SBF2: variants seen among roughly 807,000 people sequenced by gnomAD.
The protein encoded by SBF2 is SET binding factor 2.
Under a neutral mutation model 225.2 loss-of-function variants are expected in SBF2, and 112 were observed. That is an observed-to-expected ratio of 0.50 (90% CI 0.43 to 0.58). SBF2 has a LOEUF of 0.58. Among genes scored for constraint, SBF2 ranks in the 20% least tolerant of loss-of-function variants. The pLI is 0.00. For missense variants in SBF2, 1,996 were observed against 2,206.2 expected (o/e 0.90, Z 1.91); for synonymous variants, 763 against 773.3 (o/e 0.99, Z 0.22).
chr11:10,117,440 C>CAAAAAA (rs57722094), intron 2 of SBF2, among the ~76,000 whole-genome samples: 9 of 40,886 alleles, frequency 2.2e-4, no homozygotes, highest in African/African-American at 3.2e-4. Flanking sequence ...GAATCCAACT[C>CAAAAAA]AAAAAAAAAA....
chr11:10,247,268 G>A (rs954477777), intron 1 of SBF2, among the ~76,000 whole-genome samples: 1 of 152,102 alleles, frequency 6.6e-6, no homozygotes, highest in African/African-American at 2.4e-5. Flanking sequence ...ATTAGCAAAC[G>A]AAATCAAGCA....
intron 1 of SBF2, among the ~76,000 whole-genome samples, chr11:10,302,154 A>C (rs1228906469): frequency 6.6e-6 from 1 of 152,170 alleles, no homozygotes; most frequent in East Asian, 1.9e-4. Flanking sequence ...CCACTGCAGC[A>C]TTTCCTTCTC....
At chr11:10,006,353 G>A (rs1219778866) in intron 6 of SBF2, among the ~76,000 whole-genome samples, 1 of 152,148 alleles carries the variant, frequency 6.6e-6, no homozygotes, top group Non-Finnish European at 1.5e-5. Context: ...CTGTCTGTTG[G>A]TACATTGCCA....
At chr11:10,211,654 C>T (rs1040359151) in intron 1 of SBF2, among the ~76,000 whole-genome samples, 3 of 152,138 alleles carry the variant, frequency 2.0e-5, no homozygotes, top group Non-Finnish European at 2.9e-5. Context: ...ACCAGGATAA[C>T]GTACTGTGGG....
intron 16 of SBF2, among the ~76,000 whole-genome samples, chr11:9,936,020 A>G (rs1864871329): frequency 6.6e-6 from 1 of 152,218 alleles, no homozygotes; most frequent in African/African-American, 2.4e-5. Flanking sequence ...TGAATAGGCA[A>G]TCTACAGAAT....
chr11:10,056,343 T>A (rs1390312397), intron 2 of SBF2, among the ~76,000 whole-genome samples: 1 of 152,252 alleles, frequency 6.6e-6, no homozygotes, highest in East Asian at 1.9e-4. Context: ...GTGTAGCCAT[T>A]TTAATGATAC....
At chr11:10,062,285 G>T (rs990223969) in intron 2 of SBF2, among the ~76,000 whole-genome samples, 7 of 152,156 alleles carry the variant, frequency 4.6e-5, no homozygotes, top group Admixed American at 3.3e-4. Flanking sequence ...AATAGGCAAA[G>T]ATTTCATGAC....
chr11:9,858,585 C>T (rs1392234043), intron 17 of SBF2, among the ~76,000 whole-genome samples, 189 bp from the exon 18 acceptor site: 1 of 152,086 alleles, frequency 6.6e-6, no homozygotes, highest in Non-Finnish European at 1.5e-5. Context: ...GCTGTTGGAT[C>T]CTTGAGAGTC....
chr11:10,094,891 T>C (rs1240536128), intron 2 of SBF2, among the ~76,000 whole-genome samples: 1 of 151,342 alleles, frequency 6.6e-6, no homozygotes, highest in Non-Finnish European at 1.5e-5. Flanking sequence ...CAAGCCTTCT[T>C]AGACTCATGA....
In SBF2 at chr11:10,082,453, T is replaced by G. The variant is rs147713750; in HGVS notation, c.142-39472A>C. ...GACAAAAAAGAAAACTACATATCAA[T>G]ATCCCTCTTGAACACAGACACAAAA... On this transcript the variant is annotated intron_variant, in intron 2 of 39. Transcript: ENST00000256190. Among the ~76,000 whole-genome samples, 4 of 152,196 alleles carry G rather than the reference T, an allele frequency of 2.6e-5. No individual in the cohort carries two copies. In the South Asian group the frequency reaches 8.3e-4, roughly 32 times the overall value.
chr11:10,144,635 G>A (rs566712834), intron 2 of SBF2, among the ~76,000 whole-genome samples: 62 of 152,332 alleles, frequency 4.1e-4, no homozygotes, highest in Non-Finnish European at 7.8e-4. Flanking sequence ...GTGAACATAT[G>A]TAAGTATAAA....
chr11:9,938,193 T>A (rs796760838), intron 16 of SBF2, among the ~76,000 whole-genome samples: 15 of 151,210 alleles, frequency 9.9e-5, no homozygotes, highest in African/African-American at 3.4e-4. Context: ...CAAGAGGCTG[T>A]GGCAGGAGAA....
chr11:10,035,576 C>G (rs972268876), intron 3 of SBF2, among the ~76,000 whole-genome samples: 1 of 152,040 alleles, frequency 6.6e-6, no homozygotes, highest in African/African-American at 2.4e-5. Context: ...AAGAAAAAAA[C>G]AAACAACCCC....
At chr11:9,825,251 G>A (rs945415688) in intron 28 of SBF2, among the ~76,000 whole-genome samples, 2 of 152,066 alleles carry the variant, frequency 1.3e-5, no homozygotes, top group African/African-American at 4.8e-5. Flanking sequence ...TGAAGATGAG[G>A]GCAGAGATTT....
chr11:10,193,574 A>C (rs1422223305), intron 2 of SBF2, among the ~76,000 whole-genome samples: 4 of 152,116 alleles, frequency 2.6e-5, no homozygotes, highest in African/African-American at 7.2e-5. Flanking sequence ...GGATGGTATC[A>C]ATCTCCTTAC....
At chr11:9,852,966 T>C (rs886317150) in intron 20 of SBF2, among the ~76,000 whole-genome samples, 1 of 152,180 alleles carries the variant, frequency 6.6e-6, no homozygotes. Context: ...ATTCATGTAT[T>C]ATTATTTATA....
At position 9,856,518 on chromosome 11, in the gene SBF2, A is replaced by G. The variant is rs376985629; in HGVS notation, c.2303T>C (p.Leu768Pro). Reference protein sequence around the residue: ...LVPLDTSKNKLLRTSAPGDWE... With the variant: ...LVPLDTSKNKPLRTSAPGDWE... Reference sequence around the variant, plus strand: ...GTCACCTGGCGCTGATGTTCTTAGGAGCTTGTTTTTACTTGTGTCGAGTGG... The same window carrying G: ...GTCACCTGGCGCTGATGTTCTTAGGGGCTTGTTTTTACTTGTGTCGAGTGG... The change falls in exon 19 of 40, where the codon CTC becomes CCC. Residue 768 changes from leucine to proline, a missense_variant. Transcript: ENST00000256190. 6.2e-7 allele frequency: 1 copy of G among 1,614,064 alleles called. No individual in the cohort carries two copies.
intron 33 of SBF2, among the ~76,000 whole-genome samples, chr11:9,794,333 T>C (rs1852954382): frequency 6.6e-6 from 1 of 152,138 alleles, no homozygotes; most frequent in Non-Finnish European, 1.5e-5. Context: ...CTTTCAGTGA[T>C]AAAGCTGAGT....
intron 13 of SBF2, 122 bp from the exon 14 acceptor site, chr11:9,968,667 C>T: frequency 1.2e-6 from 1 of 807,862 alleles, no homozygotes; most frequent in South Asian, 1.4e-5. Context: ...CATATATACG[C>T]CATAAAACAT....
Sources: gnomAD v4.1 joint callset for allele counts (sites outside exome capture counted in the v4.1 genomes callset) on GRCh38, gnomAD v4.1.1 for gene constraint, MANE v1.5 for transcripts, NCBI Gene and HGNC (gene_info 2026-07-23, HGNC 2026-07-21) for gene names.